Variants in CA10 observed in about 807,000 individuals in gnomAD.
The protein encoded by CA10 is carbonic anhydrase 10 (inactive).
In CA10, 14 loss-of-function variants were observed where a neutral mutation model predicts 44.2. The observed-to-expected ratio is 0.32, with a 90% CI of 0.21 to 0.50. CA10 has a LOEUF of 0.50. Ranked by LOEUF, CA10 falls within the 20% of genes least tolerant of loss-of-function variation. The pLI is 0.99. For missense variants in CA10, 350 were observed against 409.7 expected (o/e 0.85, Z 1.26); for synonymous variants, 159 against 141.6 (o/e 1.12, Z -0.87).
chr17:52,088,895 CA>C (rs1373966126), intron 1 of CA10, among the ~76,000 whole-genome samples: 1 of 152,118 alleles, frequency 6.6e-6, no homozygotes, highest in Non-Finnish European at 1.5e-5. Context: ...AAAAAATTAC[CA>C]AGCACAAAAG....
chr17:52,113,681 T>C (rs958083934), intron 1 of CA10, among the ~76,000 whole-genome samples: 3 of 152,232 alleles, frequency 2.0e-5, no homozygotes, highest in African/African-American at 7.2e-5. Flanking sequence ...GTAAATTTGT[T>C]AACCAAAACA....
At chr17:51,723,852 G>T (rs1247316576) in intron 4 of CA10, among the ~76,000 whole-genome samples, 1 of 152,162 alleles carries the variant, frequency 6.6e-6, no homozygotes, top group Non-Finnish European at 1.5e-5. Flanking sequence ...CAGATTAAAA[G>T]CCTTGCACTC....
chr17:52,159,330 C>G (rs1989892446), upstream of CA10: 1 of 152,310 alleles, frequency 6.6e-6, no homozygotes, highest in African/African-American at 2.4e-5. Flanking sequence ...CCTGCAAGTC[C>G]CTGCCTCCCT....
chr17:52,101,609 T>C (rs1356147008), intron 1 of CA10, among the ~76,000 whole-genome samples: 1 of 152,172 alleles, frequency 6.6e-6, no homozygotes, highest in Admixed American at 6.6e-5. Context: ...AGACCATCCA[T>C]TTCACCAATA....
intron 6 of CA10, among the ~76,000 whole-genome samples, chr17:51,636,902 C>T (rs1468114): frequency 0.45 from 67,628 of 150,948 alleles, 15,335 homozygotes; most frequent in South Asian, 0.57. Flanking sequence ...TTACTAAATA[C>T]AGTAATTCAA....
At chr17:51,726,016 G>A (rs1330108341) in intron 4 of CA10, among the ~76,000 whole-genome samples, 1 of 152,158 alleles carries the variant, frequency 6.6e-6, no homozygotes, top group Non-Finnish European at 1.5e-5. Context: ...ATGCTGGTGG[G>A]GTTGGAGAAG....
chr17:51,696,183 G>A (rs1230307561), intron 4 of CA10, among the ~76,000 whole-genome samples: 3 of 152,116 alleles, frequency 2.0e-5, no homozygotes, highest in Non-Finnish European at 4.4e-5. Context: ...TGGCTTTGTA[G>A]AAAGAGTTAG....
intron 3 of CA10, among the ~76,000 whole-genome samples, chr17:51,884,800 G>A (rs1980526798): frequency 6.6e-6 from 1 of 152,186 alleles, no homozygotes; most frequent in Non-Finnish European, 1.5e-5. Context: ...GGGAGAATCT[G>A]TGCTGTGCCT....
intron 4 of CA10, among the ~76,000 whole-genome samples, chr17:51,697,058 T>A (rs149764186): frequency 6.6e-6 from 1 of 150,956 alleles, no homozygotes; most frequent in African/African-American, 2.5e-5. Flanking sequence ...CCCAGGGGCC[T>A]CTTAAGAGGT....
At chr17:52,140,435 A>G (rs972276563) in intron 1 of CA10, among the ~76,000 whole-genome samples, 1 of 152,218 alleles carries the variant, frequency 6.6e-6, no homozygotes. Flanking sequence ...TAAATGAATG[A>G]GTGTGGTTGT....
intron 3 of CA10, among the ~76,000 whole-genome samples, chr17:51,772,419 A>T (rs970679962): frequency 1.3e-5 from 2 of 152,238 alleles, no homozygotes; most frequent in African/African-American, 4.8e-5. Context: ...AAAAAAAGTG[A>T]TATAAAATAA....
chr17:51,648,272 GATGTTTGCC>G (rs770996819), intron 6 of CA10, among the ~76,000 whole-genome samples: 1 of 152,292 alleles, frequency 6.6e-6, no homozygotes, highest in Middle Eastern at 3.4e-3. Flanking sequence ...TGGGTGCTTG[GATGTTTGCC>G]AACTGTTTTT....
intron 6 of CA10, among the ~76,000 whole-genome samples, chr17:51,646,497 G>C (rs933196063): frequency 1.3e-5 from 2 of 152,126 alleles, no homozygotes; most frequent in Non-Finnish European, 2.9e-5. Flanking sequence ...ATGGTGGGGT[G>C]GGGGGTTGAT....
chr17:51,709,538 T>C (rs1024874732), intron 4 of CA10, among the ~76,000 whole-genome samples: 24 of 152,286 alleles, frequency 1.6e-4, no homozygotes, highest in Non-Finnish European at 2.2e-4. Flanking sequence ...AAATAGATGG[T>C]GGACCCCACC....
Position 52,130,814 on chromosome 17 carries a change from C to T in CA10, c.61+26912G>A, listed in dbSNP as rs146374643. ...TTGGGCTCAAGTGATCCTTCCACCT[C>T]AGCCTCCTGAGTAGCTGTGACAACA... On this transcript the variant is annotated intron_variant, in intron 1 of 8. Coordinates refer to ENST00000451037, the MANE Select transcript of CA10 (RefSeq NM_020178.5). 3.9e-3 allele frequency among the ~76,000 whole-genome samples: 590 copies of T among 152,174 alleles called. 4 individuals are homozygous for T. Among genetic ancestry groups the T allele is most frequent in the South Asian group, 0.029 (138 of 4,812 alleles).
intron 3 of CA10, among the ~76,000 whole-genome samples, chr17:51,782,461 A>G (rs1012429675): frequency 7.9e-5 from 12 of 152,242 alleles, no homozygotes; most frequent in Non-Finnish European, 1.6e-4. Flanking sequence ...AATGAAATGA[A>G]GGCCCACTGG....
Position 51,885,085 on chromosome 17 carries a change from T to C in CA10, c.279+45905A>G, listed in dbSNP as rs146926800. ...TCAGGGATTAGGGGTTCAACATATA[T>C]TATTGGGAGAGACAATTCAACCCCT... On this transcript the variant is annotated intron_variant, in intron 3 of 8. Transcript: ENST00000451037. 5.2e-4 allele frequency among the ~76,000 whole-genome samples: 79 copies of C among 152,316 alleles called. 1 individual carries two copies. Among genetic ancestry groups the C allele is most frequent in the African/African-American group, 1.9e-3 (77 of 41,564 alleles).
At chr17:51,655,022 G>A (rs1254356401) in intron 4 of CA10, among the ~76,000 whole-genome samples, 1 of 151,746 alleles carries the variant, frequency 6.6e-6, no homozygotes, top group Non-Finnish European at 1.5e-5. Flanking sequence ...AACACACATA[G>A]CGTATAAAAA....
intron 3 of CA10, among the ~76,000 whole-genome samples, chr17:51,790,271 A>G (rs557385211): frequency 5.3e-5 from 8 of 152,288 alleles, no homozygotes; most frequent in Admixed American, 2.0e-4. Flanking sequence ...ACTTGCCTCA[A>G]TGATGCGAAG....
Sources: gnomAD v4.1 joint callset for allele counts (sites outside exome capture counted in the v4.1 genomes callset) on GRCh38, gnomAD v4.1.1 for gene constraint, MANE v1.5 for transcripts, NCBI Gene and HGNC (gene_info 2026-07-23, HGNC 2026-07-21) for gene names.